The following MED12L variants were observed in gnomAD, a reference collection of about 807,000 sequenced individuals.
The protein encoded by MED12L is mediator of RNA polymerase II transcription subunit 12-like protein.
In MED12L, 60 loss-of-function variants were observed where a neutral mutation model predicts 281.3. The ratio of observed to expected loss-of-function variants is 0.21; its 90% confidence interval spans 0.17 to 0.26. MED12L has a LOEUF of 0.26. Ranked by LOEUF, MED12L falls within the 10% of genes least tolerant of loss-of-function variation. The pLI is 1.00. For missense variants in MED12L, 2,146 were observed against 2,680.9 expected (o/e 0.80, Z 4.41); for synonymous variants, 974 against 987.2 (o/e 0.99, Z 0.25).
chr3:151,193,481 A>G lies in MED12L; in HGVS notation c.2074-9A>G, dbSNP rs779653406. The stretch of plus-strand genomic sequence containing the variant: ...TTACAATCTCCAACATTTGTTTTAC[A>G]TGACTTAGATTTTTTCTCCTATGCC... On this transcript the variant is annotated splice_polypyrimidine_tract_variant and intron_variant, in intron 15 of 44. Coordinates refer to ENST00000687756, the MANE Select transcript of MED12L (RefSeq NM_001393769.1). 31 of 1,607,692 alleles carry G rather than the reference A, an allele frequency of 1.9e-5. No individual in the cohort carries two copies. The highest frequency in any genetic ancestry group is 8.4e-5 in the Admixed American group (5 of 59,304).
intron 28 of MED12L, 139 bp downstream of exon 28, chr3:151,376,353 T>C (rs1371872151): frequency 4.5e-6 from 3 of 671,236 alleles, no homozygotes; most frequent in East Asian, 3.1e-5. Flanking sequence ...TTCTGTGGAA[T>C]TGACATACTT....
At chr3:151,423,756 C>A (rs1718542061) in intron 43 of MED12L, among the ~76,000 whole-genome samples, 1 of 152,278 alleles carries the variant, frequency 6.6e-6, no homozygotes, top group Admixed American at 6.5e-5. Context: ...TTTAAAACTA[C>A]TTCCAGTGTT....
At chr3:151,420,398 C>G (rs1449916986) in intron 43 of MED12L, among the ~76,000 whole-genome samples, 1 of 152,084 alleles carries the variant, frequency 6.6e-6, no homozygotes, top group African/African-American at 2.4e-5. Flanking sequence ...GTGTTCCTCC[C>G]TCTGGAACTA....
At chr3:151,275,481 G>A (rs927193885) in intron 16 of MED12L, among the ~76,000 whole-genome samples, 5 of 152,062 alleles carry the variant, frequency 3.3e-5, no homozygotes, top group Non-Finnish European at 5.9e-5. Flanking sequence ...AATTTATACC[G>A]AGTAAAGACA....
chr3:151,110,329 C>T (rs1711669780), intron 2 of MED12L, among the ~76,000 whole-genome samples: 1 of 152,158 alleles, frequency 6.6e-6, no homozygotes, highest in African/African-American at 2.4e-5. Context: ...TGCCTAATAC[C>T]ATTAAGTGTC....
At chr3:151,170,509 C>G (rs1238355829) in intron 11 of MED12L, among the ~76,000 whole-genome samples, 1 of 151,880 alleles carries the variant, frequency 6.6e-6, no homozygotes, top group Non-Finnish European at 1.5e-5. Context: ...CTCTTGACCT[C>G]GTGATCCACC....
chr3:151,102,688 G>T (rs1721533725), intron 2 of MED12L, among the ~76,000 whole-genome samples: 1 of 152,092 alleles, frequency 6.6e-6, no homozygotes, highest in South Asian at 2.1e-4. Context: ...GCCCAGGCTG[G>T]TCTTGAATTC....
At chr3:151,322,671 TG>T (rs1749128614) in intron 16 of MED12L, among the ~76,000 whole-genome samples, 1 of 152,160 alleles carries the variant, frequency 6.6e-6, no homozygotes, top group South Asian at 2.1e-4. Flanking sequence ...ATAATTCTGT[TG>T]GCTATCTCTT....
intron 16 of MED12L, chr3:151,328,151 G>A (rs759235588): frequency 1.9e-6 from 3 of 1,612,732 alleles, no homozygotes; most frequent in Non-Finnish European, 2.5e-6. Context: ...CAAAAAGAGA[G>A]TTGTTTCTTT....
At chr3:151,185,189 T>G in intron 11 of MED12L, 141 bp from the exon 12 acceptor site, 1 of 696,994 alleles carries the variant, frequency 1.4e-6, no homozygotes, top group Non-Finnish European at 2.3e-6. Flanking sequence ...TAAAAATGTT[T>G]TGGAAGCGCT....
intron 37 of MED12L, among the ~76,000 whole-genome samples, chr3:151,389,611 AT>A (rs1189439988): frequency 6.6e-6 from 1 of 152,180 alleles, no homozygotes; most frequent in Non-Finnish European, 1.5e-5. Flanking sequence ...GACCCAAGAT[AT>A]TGGAAAGGCC....
intron 16 of MED12L, among the ~76,000 whole-genome samples, chr3:151,276,675 C>T (rs985922476): frequency 1.1e-4 from 17 of 152,172 alleles, no homozygotes; most frequent in Middle Eastern, 3.2e-3. Flanking sequence ...ATAGAGTGAA[C>T]GTTCTTCTAG....
At chr3:151,338,234 A>G in intron 16 of MED12L, 2 of 1,614,154 alleles carry the variant, frequency 1.2e-6, no homozygotes, top group Non-Finnish European at 1.7e-6. Flanking sequence ...ATACAATAAC[A>G]ATTAAGAAAT....
At chr3:151,204,740 G>A (rs889940074) in intron 16 of MED12L, among the ~76,000 whole-genome samples, 1 of 152,220 alleles carries the variant, frequency 6.6e-6, no homozygotes, top group Non-Finnish European at 1.5e-5. Context: ...ACTGCAAACA[G>A]TGGTGAATGA....
intron 11 of MED12L, among the ~76,000 whole-genome samples, chr3:151,180,135 T>C (rs953558630): frequency 7.2e-5 from 11 of 152,372 alleles, no homozygotes; most frequent in African/African-American, 2.6e-4. Context: ...ATTTTTGTGC[T>C]GAAATTTTCT....
intron 16 of MED12L, among the ~76,000 whole-genome samples, chr3:151,211,220 A>G (rs1727108989): frequency 6.6e-6 from 1 of 152,168 alleles, no homozygotes; most frequent in South Asian, 2.1e-4. Context: ...GCTTTAGCAC[A>G]TGCTTACAAA....
chr3:151,382,521 C>A, intron 32 of MED12L, 135 bp from the exon 33 acceptor site: 2 of 526,010 alleles, frequency 3.8e-6, no homozygotes, highest in African/African-American at 2.0e-5. Flanking sequence ...AAGAAGAAAG[C>A]TAAAATTTTA....
At chr3:151,353,879 C>T (rs1024394867) in intron 17 of MED12L, among the ~76,000 whole-genome samples, 6 of 152,102 alleles carry the variant, frequency 3.9e-5, no homozygotes, top group South Asian at 2.1e-4. Context: ...CGGTGGCTCA[C>T]GCCTGTAATC....
rs563590529 is a variant in MED12L at position 151,386,346 on chromosome 3, A to G, written c.5088+1155A>G. Among the ~76,000 whole-genome samples the G allele has an allele frequency of 2.6e-5, 4 of 152,272 alleles. No homozygotes were observed. In the South Asian group the frequency reaches 6.2e-4, roughly 24 times the overall value. On this transcript the variant is annotated intron_variant, in intron 36 of 44. Coordinates refer to ENST00000687756, the MANE Select transcript of MED12L (RefSeq NM_001393769.1). ...CAAGACAAATATTAGGAAACAGTCAATTTACAGGTGGCAATTGAACCTTGG... is the reference window on the plus strand; with the variant it reads ...CAAGACAAATATTAGGAAACAGTCAGTTTACAGGTGGCAATTGAACCTTGG...
Sources: gnomAD v4.1 joint callset for allele counts (sites outside exome capture counted in the v4.1 genomes callset) on GRCh38, gnomAD v4.1.1 for gene constraint, MANE v1.5 for transcripts, NCBI Gene and HGNC (gene_info 2026-07-23, HGNC 2026-07-21) for gene names.